MKLN1: variants seen among roughly 807,000 people sequenced by gnomAD.
MKLN1 encodes the protein muskelin.
A neutral mutation model predicts 99.0 loss-of-function variants in MKLN1; 18 were observed. That is an observed-to-expected ratio of 0.18 (90% CI 0.13 to 0.27). The LOEUF (loss-of-function observed/expected upper bound fraction) is 0.27, where lower values mean the gene tolerates loss of function less well. MKLN1 is among the 10% of genes least tolerant of loss of function. The pLI, the probability that MKLN1 is intolerant of heterozygous loss-of-function variation, is 1.00. For missense variants in MKLN1, 621 were observed against 875.9 expected (o/e 0.71, Z 3.67); for synonymous variants, 288 against 293.2 (o/e 0.98, Z 0.18).
At chr7:131,325,496 G>C (rs559018138), upstream of MKLN1, among the ~76,000 whole-genome samples, 1 of 152,220 alleles carries the variant, frequency 6.6e-6, no homozygotes, top group South Asian at 2.1e-4. Context: ...AGGAGTTCAA[G>C]ACCAGCCTGG....
At chr7:131,226,570 C>G (rs1797150545) in intron 3 of MKLN1, among the ~76,000 whole-genome samples, 1 of 152,108 alleles carries the variant, frequency 6.6e-6, no homozygotes, top group African/African-American at 2.4e-5. Context: ...CATGGCCTGG[C>G]TTCTGAACAG....
intron 3 of MKLN1, among the ~76,000 whole-genome samples, chr7:131,218,647 G>T (rs531238017): frequency 5.9e-5 from 9 of 152,272 alleles, no homozygotes; most frequent in African/African-American, 1.9e-4. Flanking sequence ...GCATACAATG[G>T]ATTATTATTC....
At chr7:131,181,896 G>A (rs1451434744) in intron 2 of MKLN1, among the ~76,000 whole-genome samples, 10 of 152,178 alleles carry the variant, frequency 6.6e-5, no homozygotes, top group Admixed American at 6.5e-4. Flanking sequence ...CTGACCTCAA[G>A]TGATCCACCT....
rs1238747168 is a variant in MKLN1, at chr7:131,489,112, C to T, written c.*1384C>T. The stretch of plus-strand genomic sequence containing the variant: ...TAGCTTTATGGAATCAAGTATGTCC[C>T]TGAGTAGCAAGATTAGGCCTCACCA... On this transcript the variant is annotated 3_prime_UTR_variant, in exon 18 of 18. Coordinates refer to ENST00000352689, the MANE Select transcript of MKLN1 (RefSeq NM_013255.5). 6.6e-6 allele frequency: 1 copy of T among 152,114 alleles called. No individual in the cohort carries two copies. Among genetic ancestry groups the T allele is most frequent in the East Asian group, 1.9e-4 (1 of 5,192 alleles). 9.4% of individuals were successfully genotyped at this position (152,114 alleles called of 1,614,324 possible).
chr7:131,214,875 C>T (rs1028307546), intron 3 of MKLN1, among the ~76,000 whole-genome samples: 1 of 152,140 alleles, frequency 6.6e-6, no homozygotes, highest in Non-Finnish European at 1.5e-5. Flanking sequence ...TTATTCAAAT[C>T]TTCTGCAATG....
intron 2 of MKLN1, among the ~76,000 whole-genome samples, chr7:131,157,934 G>C (rs905057851): frequency 3.3e-5 from 5 of 152,074 alleles, no homozygotes; most frequent in Non-Finnish European, 2.9e-5. Context: ...AATGAGCAAG[G>C]GCACTGCTAG....
chr7:131,427,843 T>C (rs1795403617), intron 8 of MKLN1, among the ~76,000 whole-genome samples: 1 of 56,074 alleles, frequency 1.8e-5, no homozygotes, highest in South Asian at 8.0e-4. Flanking sequence ...CATGAGCCAC[T>C]GTGCCAAATT....
intron 2 of MKLN1, among the ~76,000 whole-genome samples, chr7:131,378,961 C>T (rs569490387): frequency 3.6e-4 from 55 of 151,248 alleles, no homozygotes; most frequent in African/African-American, 1.3e-3. Flanking sequence ...GAAGTCCCCA[C>T]CTCCTAGGGA....
intron 3 of MKLN1, among the ~76,000 whole-genome samples, chr7:131,219,899 C>T (rs575690294): frequency 1.1e-3 from 162 of 152,132 alleles, no homozygotes; most frequent in Non-Finnish European, 1.7e-3. Flanking sequence ...TTTCCTCTTA[C>T]GTGATCCTTC....
rs764554736 is a variant in MKLN1, at chr7:131,221,262, C to G, written c.-179+18288C>G. Among the ~76,000 whole-genome samples the G allele has an allele frequency of 1.6e-4, 24 of 152,276 alleles. 1 individual carries two copies. In the South Asian group the frequency reaches 4.6e-3, roughly 29 times the overall value. On this transcript the variant is annotated intron_variant, in intron 3 of 7. Transcript: ENST00000416992. ...GAGGGATGCCCATTTCTGGTCCAAG[C>G]CCTGGGTGGAGCTCCCCATTGTTGG...
At chr7:131,479,960 G>T (rs985809806) in intron 17 of MKLN1, among the ~76,000 whole-genome samples, 1 of 150,392 alleles carries the variant, frequency 6.6e-6, no homozygotes, top group Admixed American at 6.6e-5. Context: ...GGGGGAGGTT[G>T]CAGTGAGCCA....
chr7:131,133,412 T>G (rs866292683), intron 1 of MKLN1, among the ~76,000 whole-genome samples: 15 of 142,262 alleles, frequency 1.1e-4, no homozygotes, highest in Middle Eastern at 8.0e-3. Context: ...TGGAGTGCAG[T>G]GGCGTGATCT....
intron 3 of MKLN1, among the ~76,000 whole-genome samples, chr7:131,387,755 C>G (rs949158831): frequency 6.6e-6 from 1 of 152,058 alleles, no homozygotes; most frequent in African/African-American, 2.4e-5. Flanking sequence ...GGAAGGAGCT[C>G]AGTAAATTTG....
At chr7:131,121,725 C>T (rs1055761880) in intron 1 of MKLN1, among the ~76,000 whole-genome samples, 2 of 149,684 alleles carry the variant, frequency 1.3e-5, no homozygotes, top group Admixed American at 1.3e-4. Flanking sequence ...AATGGACTAT[C>T]ACACAGGGGA....
At chr7:131,416,081 C>T (rs1260533106) in intron 8 of MKLN1, among the ~76,000 whole-genome samples, 1 of 152,150 alleles carries the variant, frequency 6.6e-6, no homozygotes, top group Admixed American at 6.5e-5. Context: ...CAGGTGTGAG[C>T]TACCATGTCC....
chr7:131,407,374 T>C (rs942144128), intron 6 of MKLN1, among the ~76,000 whole-genome samples: 3 of 152,012 alleles, frequency 2.0e-5, no homozygotes, highest in African/African-American at 4.8e-5. Context: ...TTTCATCTAT[T>C]GCAGGCTACA....
chr7:131,354,611 C>T (rs985480986), intron 1 of MKLN1, among the ~76,000 whole-genome samples: 1 of 151,796 alleles, frequency 6.6e-6, no homozygotes, highest in African/African-American at 2.4e-5. Flanking sequence ...AAGGTTGCAT[C>T]ATTGTTTAGT....
intron 1 of MKLN1, among the ~76,000 whole-genome samples, chr7:131,353,221 A>G (rs1392017394): frequency 3.9e-5 from 6 of 152,124 alleles, no homozygotes; most frequent in African/African-American, 1.4e-4. Flanking sequence ...TTACATTCCC[A>G]TCAACAATGT....
chr7:131,185,755 C>G (rs1230603677), intron 2 of MKLN1, among the ~76,000 whole-genome samples: 2 of 152,086 alleles, frequency 1.3e-5, no homozygotes, highest in Non-Finnish European at 1.5e-5. Flanking sequence ...GCCTTCAATT[C>G]CCGTGTGTGA....
Sources: gnomAD v4.1 joint callset for allele counts (sites outside exome capture counted in the v4.1 genomes callset) on GRCh38, gnomAD v4.1.1 for gene constraint, MANE v1.5 for transcripts, NCBI Gene and HGNC (gene_info 2026-07-23, HGNC 2026-07-21) for gene names.